Variants in ZHX3 observed in about 807,000 individuals in gnomAD.
The protein encoded by ZHX3 is zinc fingers and homeoboxes protein 3.
In ZHX3, 20 loss-of-function variants were observed where a neutral mutation model predicts 64.5. The observed-to-expected ratio is 0.31, with a 90% confidence interval of 0.22 to 0.45. The LOEUF is 0.45. Among genes scored for constraint, ZHX3 ranks in the 20% least tolerant of loss-of-function variants. ZHX3 has a pLI of 1.00. For synonymous variants in ZHX3, 423 were observed against 461.6 expected, an observed-to-expected ratio of 0.92 and a Z score of 1.07; for missense variants, 1,041 against 1,195.8, an observed-to-expected ratio of 0.87 and a Z score of 1.91.
Position 41,219,900 on chromosome 20 carries a change from C to G in ZHX3, c.-150-14834G>C, listed in dbSNP as rs2039818915. On this transcript the variant is annotated intron_variant, in intron 2 of 3. Coordinates refer to ENST00000683867, the MANE Select transcript of ZHX3 (RefSeq NM_001384317.1). This position sits in a 1 kb window ranked among gnomAD's most constrained non-coding sequence, Gnocchi z 5.0. ...CAACTGGTTATGTTCCAGATGGCGG[C>G]TACTCTATCAGCCTGAGTCCTAAAA... Among the ~76,000 whole-genome samples the G allele has an allele frequency of 1.3e-5, 2 of 152,246 alleles. No homozygotes were observed. Among genetic ancestry groups the G allele is most frequent in the South Asian group, 4.1e-4 (2 of 4,830 alleles).
intron 1 of ZHX3, 196 bp from the exon 2 acceptor site, chr20:41,269,279 A>C (rs760681585): frequency 1.3e-5 from 2 of 152,232 alleles, no homozygotes; most frequent in Non-Finnish European, 2.9e-5. Context: ...TCCTAGTAGA[A>C]ATAAAGCAAA....
rs1340934640 is a variant in ZHX3 at position 41,228,271 on chromosome 20, A to G, written c.-150-23205T>C. ...ACTGCCATTGATCCCTGCAGGTTTT[A>G]AAAAACTACATGCATAAATTTCTGG... On this transcript the variant is annotated intron_variant, in intron 2 of 3. Transcript: ENST00000683867. The surrounding 1 kb of genome is among the most constrained non-coding windows in gnomAD (Gnocchi z 4.6). Among the ~76,000 whole-genome samples, 1 of 152,186 alleles carries G rather than the reference A, an allele frequency of 6.6e-6. No homozygotes were observed. The highest frequency in any genetic ancestry group is 2.4e-5 in the African/African-American group (1 of 41,452).
intron 2 of ZHX3, among the ~76,000 whole-genome samples, chr20:41,230,064 T>G (rs1211326742): frequency 6.6e-6 from 1 of 152,230 alleles, no homozygotes; most frequent in Non-Finnish European, 1.5e-5. Context: ...CATTTGACCT[T>G]ATGTGTGAGG....
At chr20:41,294,507 A>AC (rs560143132) in intron 1 of ZHX3, among the ~76,000 whole-genome samples, 372 of 151,434 alleles carry the variant, frequency 2.5e-3, no homozygotes, top group Admixed American at 3.4e-3. Context: ...GATTACAGGC[A>AC]CCCCCCCACC....
At position 41,181,030 on chromosome 20, in the gene ZHX3, TCCCCAAACTACATGGGAGTAGCC is replaced by T. The variant is rs1600688499; in HGVS notation, c.*4138_*4160del. On this transcript the variant is annotated 3_prime_UTR_variant, in exon 4 of 4. Coordinates refer to ENST00000683867, the MANE Select transcript of ZHX3 (RefSeq NM_001384317.1). Reference sequence around the variant, plus strand: ...ATGGAGCTTTTCTGAGATCAAGTGCTCCCCAAACTACATGGGAGTAGCCCCCCGTGGTCTGGGCAGGCTGGCTG... The same window carrying T: ...ATGGAGCTTTTCTGAGATCAAGTGCTCCCCGTGGTCTGGGCAGGCTGGCTG... 1 of 152,188 alleles carries T rather than the reference TCCCCAAACTACATGGGAGTAGCC, an allele frequency of 6.6e-6. No individual in the cohort carries two copies. The highest frequency in any genetic ancestry group is 1.9e-4 in the East Asian group (1 of 5,176). The allele number at this position is 152,188 out of a possible 1,614,324, so 9.4% of individuals were successfully genotyped here.
Position 41,204,710 on chromosome 20 carries a change from C to G in ZHX3, c.207G>C (p.Arg69=). The change falls in exon 3 of 4, where the codon CGG becomes CGC. Residue 69 remains arginine, a synonymous_variant. Coordinates refer to ENST00000683867, the MANE Select transcript of ZHX3 (RefSeq NM_001384317.1). The surrounding 1 kb of genome is among the most constrained non-coding windows in gnomAD (Gnocchi z 6.6). The stretch of plus-strand genomic sequence containing the variant: ...AATATAAATAGCCATCTAAAGTGCT[C>G]CGATGCCCATTGGCCAGTGTAGAGC... ...TDGSTLANGH[R]STLDGYLYSC... 2 of 1,614,258 alleles carry G rather than the reference C, an allele frequency of 1.2e-6. No homozygotes were observed. The highest frequency in any genetic ancestry group is 1.7e-6 in the Non-Finnish European group (2 of 1,180,054).
intron 1 of ZHX3, among the ~76,000 whole-genome samples, chr20:41,312,120 T>C (rs1232150405): frequency 6.6e-6 from 1 of 152,214 alleles, no homozygotes; most frequent in African/African-American, 2.4e-5. Context: ...TTCTTTGTCT[T>C]ACAGGAGGAT....
rs41283258 is a variant in ZHX3, at chr20:41,203,855, G to A, written c.1062C>T (p.Ala354=). 3.7e-6 allele frequency: 6 copies of A among 1,614,228 alleles called. No homozygotes were observed. The highest frequency in any genetic ancestry group is 4.2e-6 in the Non-Finnish European group (5 of 1,180,036). The change falls in exon 3 of 4, where the codon GCC becomes GCT. Residue 354 remains alanine (A), a synonymous_variant. Coordinates refer to ENST00000683867, the MANE Select transcript of ZHX3 (RefSeq NM_001384317.1). This position sits in a 1 kb window ranked among gnomAD's most constrained non-coding sequence, Gnocchi z 7.1. ...PEEQLKIWFT[A]QRLKQGISWS... Reference sequence around the variant, plus strand: ...AGCTGATCCCCTGCTTCAGCCTTTGGGCTGTGAACCAGATCTTGAGCTGTT... The same window carrying A: ...AGCTGATCCCCTGCTTCAGCCTTTGAGCTGTGAACCAGATCTTGAGCTGTT...
chr20:41,241,847 AT>A (rs1351099122), intron 2 of ZHX3, among the ~76,000 whole-genome samples: 4 of 152,182 alleles, frequency 2.6e-5, no homozygotes, highest in Admixed American at 2.6e-4. Flanking sequence ...TAGTATGAAC[AT>A]TTTAACAATA....
intron 1 of ZHX3, among the ~76,000 whole-genome samples, chr20:41,296,549 T>C (rs895576143): frequency 6.6e-6 from 1 of 152,204 alleles, no homozygotes; most frequent in African/African-American, 2.4e-5. Context: ...CATCTCATCC[T>C]TTTTTCCCCA....
rs76645116 is a variant in ZHX3, at chr20:41,232,590, A to C, written c.-150-27524T>G. On this transcript the variant is annotated intron_variant, in intron 2 of 3. Coordinates refer to ENST00000683867, the MANE Select transcript of ZHX3 (RefSeq NM_001384317.1). This position sits in a 1 kb window ranked among gnomAD's most constrained non-coding sequence, Gnocchi z 5.0. Reference sequence around the variant, plus strand: ...GTACATAGCTGTCTTCTAATCTAGGAAAATTCTTCTTTTTTTTTTGAGACG... The same window carrying C: ...GTACATAGCTGTCTTCTAATCTAGGCAAATTCTTCTTTTTTTTTTGAGACG... Among the ~76,000 whole-genome samples the C allele has an allele frequency of 6.6e-6, 1 of 152,094 alleles. No homozygotes were observed. Among genetic ancestry groups the C allele is most frequent in the Admixed American group, 6.5e-5 (1 of 15,272 alleles).
intron 2 of ZHX3, among the ~76,000 whole-genome samples, chr20:41,216,157 A>T (rs1416570575): frequency 1.3e-5 from 2 of 152,208 alleles, no homozygotes; most frequent in African/African-American, 4.8e-5. Context: ...ACCATGAAAC[A>T]CATTTAAAAG....
intron 3 of ZHX3, among the ~76,000 whole-genome samples, chr20:41,199,412 G>A (rs994024408): frequency 6.6e-6 from 1 of 152,136 alleles, no homozygotes; most frequent in African/African-American, 2.4e-5. Context: ...TTGAGGGCTG[G>A]AGCCAACTAT....
intron 2 of ZHX3, among the ~76,000 whole-genome samples, chr20:41,263,154 A>G (rs1053342884): frequency 1.3e-5 from 2 of 152,200 alleles, no homozygotes; most frequent in South Asian, 4.1e-4. Flanking sequence ...AAATTCCCAT[A>G]TAAGATATAG....
At chr20:41,279,084 T>C (rs1409214577) in intron 1 of ZHX3, among the ~76,000 whole-genome samples, 1 of 152,146 alleles carries the variant, frequency 6.6e-6, no homozygotes, top group Non-Finnish European at 1.5e-5. Context: ...GACTGTTTAT[T>C]TTATAACATC....
chr20:41,260,251 C>T (rs1442222837), intron 2 of ZHX3, among the ~76,000 whole-genome samples: 1 of 151,242 alleles, frequency 6.6e-6, no homozygotes, highest in African/African-American at 2.4e-5. Flanking sequence ...CTGGCCAATG[C>T]AGCAAGACAG....
Position 41,204,552 on chromosome 20 carries a change from T to G in ZHX3, c.365A>C (p.Glu122Ala). 1 of 1,614,178 alleles carries G rather than the reference T, an allele frequency of 6.2e-7. No homozygotes were observed. The highest frequency in any genetic ancestry group is 8.5e-7 in the Non-Finnish European group (1 of 1,180,036). Residue 122 changes from glutamate to alanine, a missense_variant, in exon 3 of 4, where the codon GAG (glutamate) becomes GCG (alanine). Transcript: ENST00000683867. This position sits in a 1 kb window ranked among gnomAD's most constrained non-coding sequence, Gnocchi z 6.6. ...TGTGGCATTGTGCAAGGAAAGCCCCTCAGGGGTTTTTGCCAGAAAACTGCA... is the reference window on the plus strand; with the variant it reads ...TGTGGCATTGTGCAAGGAAAGCCCCGCAGGGGTTTTTGCCAGAAAACTGCA... ...SGCSFLAKTP[E>A]GLSLHNATCH... is the part of the protein sequence containing the mutation.
chr20:41,254,115 T>C (rs537053832), intron 2 of ZHX3, among the ~76,000 whole-genome samples: 2 of 152,160 alleles, frequency 1.3e-5, no homozygotes, highest in Non-Finnish European at 2.9e-5. Flanking sequence ...CAAGACCCTG[T>C]CTCTACTGGA....
chr20:41,263,162 T>C (rs530684742), intron 2 of ZHX3, among the ~76,000 whole-genome samples: 1 of 152,196 alleles, frequency 6.6e-6, no homozygotes, highest in South Asian at 2.1e-4. Context: ...ATATAAGATA[T>C]AGAACCTTCA....
Sources: gnomAD v4.1 joint callset for allele counts (sites outside exome capture counted in the v4.1 genomes callset) on GRCh38, gnomAD v4.1.1 for gene constraint, Gnocchi (gnomAD v3.1) non-coding constraint, MANE v1.5 for transcripts, NCBI Gene and HGNC (gene_info 2026-07-23, HGNC 2026-07-21) for gene names.